Variants in SHLD1 observed in about 807,000 individuals in gnomAD.
SHLD1 encodes the protein shieldin complex subunit 1.
Under a neutral mutation model 5.5 loss-of-function variants are expected in SHLD1, and 3 were observed. The observed-to-expected ratio is 0.54, with a 90% CI of 0.25 to 1.40. The LOEUF is 1.40. Among genes scored for constraint, SHLD1 ranks in the 40% most tolerant of loss-of-function variants. The pLI, the probability that SHLD1 is intolerant of heterozygous loss-of-function variation, is 0.15. For missense variants in SHLD1, 210 were observed against 244.4 expected (o/e 0.86, Z 0.94); for synonymous variants, 92 against 94.3 (o/e 0.98, Z 0.14).
Position 5,772,895 on chromosome 20 carries a change from C to G in SHLD1, c.30C>G (p.Ser10Arg), listed in dbSNP as rs200018645. The part of the protein sequence containing the change: MAARDATSG[S>R]LSEESSALDL... ...CAGCCAGGGACGCCACTTCAGGCAG[C>G]CTGTCAGAGGAGAGCAGTGCTTTGG... Residue 10 changes from serine (S) to arginine (R), a missense_variant, in exon 2 of 3, where the codon AGC (serine) becomes AGG (arginine). Coordinates refer to ENST00000303142, the MANE Select transcript of SHLD1 (RefSeq NM_152504.4). 1.9e-6 allele frequency: 3 copies of G among 1,613,258 alleles called. No homozygotes were observed. In the South Asian group the frequency reaches 3.3e-5, roughly 18 times the overall value.
At chr20:5,761,302 G>C (rs1345359126) in intron 1 of SHLD1, among the ~76,000 whole-genome samples, 1 of 151,982 alleles carries the variant, frequency 6.6e-6, no homozygotes, top group Admixed American at 6.6e-5. Context: ...AATATCTAAT[G>C]CATGCAGGGC....
chr20:5,823,781 A>G (rs1444748733), intron 2 of SHLD1, among the ~76,000 whole-genome samples: 1 of 152,088 alleles, frequency 6.6e-6, no homozygotes, highest in Non-Finnish European at 1.5e-5. Flanking sequence ...AAGTTTACAC[A>G]GTTGTGTTGG....
chr20:5,800,422 G>A (rs766594907), intron 2 of SHLD1, among the ~76,000 whole-genome samples: 2 of 152,182 alleles, frequency 1.3e-5, no homozygotes, highest in African/African-American at 4.8e-5. Flanking sequence ...GGCCGGGCGT[G>A]GTGGCTCACG....
At chr20:5,774,203 CAAAACAA>C (rs1336916737) in intron 2 of SHLD1, among the ~76,000 whole-genome samples, 6 of 151,828 alleles carry the variant, frequency 4.0e-5, no homozygotes, top group East Asian at 1.9e-4. Flanking sequence ...AACTCTGTCT[CAAAACAA>C]AAAACAAAAA....
Position 5,806,164 on chromosome 20 carries a change from T to G in SHLD1, c.178+33121T>G, listed in dbSNP as rs1275562248. The stretch of plus-strand genomic sequence containing the variant: ...ATAGGTGTGAGCTACCACATCTGGC[T>G]GCTTTATAATTTTTTACTTGGCGTT... On this transcript the variant is annotated intron_variant, in intron 2 of 2. Transcript: ENST00000303142. The surrounding 1 kb of genome is among the most constrained non-coding windows in gnomAD (Gnocchi z 7.6). Among the ~76,000 whole-genome samples the G allele has an allele frequency of 6.6e-6, 1 of 152,200 alleles. No individual in the cohort carries two copies. The highest frequency in any genetic ancestry group is 1.5e-5 in the Non-Finnish European group (1 of 68,042).
At chr20:5,834,200 G>A (rs1377725990) in intron 2 of SHLD1, among the ~76,000 whole-genome samples, 1 of 152,134 alleles carries the variant, frequency 6.6e-6, no homozygotes, top group Non-Finnish European at 1.5e-5. Context: ...GACTTAGCAG[G>A]GAAAAGAGCT....
intron 1 of SHLD1, among the ~76,000 whole-genome samples, chr20:5,756,368 C>T (rs900588215): frequency 1.3e-5 from 2 of 152,056 alleles, no homozygotes; most frequent in African/African-American, 4.8e-5. Flanking sequence ...GGGACATTGC[C>T]ATCTTAAAAT....
chr20:5,813,945 CTTTT>C (rs143110037), intron 2 of SHLD1, among the ~76,000 whole-genome samples: 2 of 79,972 alleles, frequency 2.5e-5, no homozygotes, highest in East Asian at 4.4e-4. Flanking sequence ...CCTTTTCTTT[CTTTT>C]TTTTTTTTTT....
At chr20:5,842,094 A>G (rs1436321161) in intron 2 of SHLD1, among the ~76,000 whole-genome samples, 1 of 152,238 alleles carries the variant, frequency 6.6e-6, no homozygotes, top group Non-Finnish European at 1.5e-5. Context: ...AACAAAATAT[A>G]GAGTGGAGAT....
At chr20:5,814,331 T>A (rs2087500057) in intron 2 of SHLD1, among the ~76,000 whole-genome samples, 1 of 152,178 alleles carries the variant, frequency 6.6e-6, no homozygotes, top group African/African-American at 2.4e-5. Context: ...TTTGAAAGTG[T>A]TAAATATTTA....
At chr20:5,813,945 CTTTTTTTTTTTTTT>C (rs143110037) in intron 2 of SHLD1, among the ~76,000 whole-genome samples, 1 of 79,974 alleles carries the variant, frequency 1.3e-5, no homozygotes, top group African/African-American at 4.7e-5. Flanking sequence ...CCTTTTCTTT[CTTTTTTTTTTTTTT>C]TTTTTTTTTT....
At chr20:5,752,380 A>T (rs1253172148) in intron 1 of SHLD1, among the ~76,000 whole-genome samples, 1 of 147,074 alleles carries the variant, frequency 6.8e-6, no homozygotes, top group Non-Finnish European at 1.5e-5. Flanking sequence ...TGGATGACAG[A>T]GTGAGACTCC....
In SHLD1 at chr20:5,775,512, A is replaced by T. The variant is rs116436118; in HGVS notation, c.178+2469A>T. ...GAATTGGTTGACAGCTCTAAAAATA[A>T]GGAGCATGTTGAAATATTTATGTAG... On this transcript the variant is annotated intron_variant, in intron 2 of 2. Transcript: ENST00000303142. Among the ~76,000 whole-genome samples the T allele has an allele frequency of 5.4e-3, 830 of 152,342 alleles. 10 individuals carry two copies. The highest frequency in any genetic ancestry group is 0.019 in the African/African-American group (786 of 41,578).
intron 2 of SHLD1, among the ~76,000 whole-genome samples, chr20:5,815,781 T>G (rs2087522276): frequency 6.6e-6 from 1 of 152,136 alleles, no homozygotes; most frequent in Non-Finnish European, 1.5e-5. Context: ...GAATTTGTTT[T>G]TATATAAAAG....
chr20:5,774,787 G>A (rs1429880956), intron 2 of SHLD1, among the ~76,000 whole-genome samples: 5 of 152,176 alleles, frequency 3.3e-5, no homozygotes, highest in Admixed American at 6.5e-5. Flanking sequence ...CACTGGGGAT[G>A]ACAATTCCAC....
Position 5,809,169 on chromosome 20 carries a change from T to TAAA in SHLD1, c.178+36126_178+36127insAAA, listed in dbSNP as rs1371338211. On this transcript the variant is annotated intron_variant, in intron 2 of 2. Coordinates refer to ENST00000303142, the MANE Select transcript of SHLD1 (RefSeq NM_152504.4). Reference sequence around the variant, plus strand: ...TCATAAGTGATGAAAAGGACAGCTTTTAAAAATCACCAAAGAACTAAATGT... The same window carrying TAAA: ...TCATAAGTGATGAAAAGGACAGCTTTAAATAAAAATCACCAAAGAACTAAATGT... Among the ~76,000 whole-genome samples the TAAA allele has an allele frequency of 3.4e-4, 52 of 152,198 alleles. 3 individuals are homozygous for TAAA. The highest frequency in any genetic ancestry group is 1.2e-3 in the African/African-American group (51 of 41,448).
chr20:5,820,122 A>G (rs746805671), intron 2 of SHLD1, among the ~76,000 whole-genome samples: 1 of 152,058 alleles, frequency 6.6e-6, no homozygotes, highest in Non-Finnish European at 1.5e-5. Flanking sequence ...TGATTTTTCT[A>G]TTTTTAGTAG....
In SHLD1 at chr20:5,860,148, G is replaced by C. The variant is rs148063629; in HGVS notation, c.179-2876G>C. ...CCTACCCAGGACAAGGTCATCTGCG[G>C]GTAAGAAGGTAGGAAGGGACCCTTC... On this transcript the variant is annotated intron_variant, in intron 2 of 2. Transcript: ENST00000303142. 3.3e-3 allele frequency among the ~76,000 whole-genome samples: 498 copies of C among 151,964 alleles called. 3 individuals are homozygous for C. The highest frequency in any genetic ancestry group is 0.012 in the African/African-American group (485 of 41,386).
In SHLD1 at chr20:5,831,009, T is replaced by TA. The variant is rs200181101; in HGVS notation, c.179-32006dup. Among the ~76,000 whole-genome samples, 400 of 151,512 alleles carry TA rather than the reference T, an allele frequency of 2.6e-3. 1 individual carries two copies. The highest frequency in any genetic ancestry group is 9.2e-3 in the African/African-American group (378 of 41,306). On this transcript the variant is annotated intron_variant, in intron 2 of 2. Coordinates refer to ENST00000303142, the MANE Select transcript of SHLD1 (RefSeq NM_152504.4). ...ACGCACGTTATAATTTAATAAAAAGTAAAAAAAAATCAGTTTGAAAATAAG... is the reference window on the plus strand; with the variant it reads ...ACGCACGTTATAATTTAATAAAAAGTAAAAAAAAAATCAGTTTGAAAATAAG...
Sources: gnomAD v4.1 joint callset for allele counts (sites outside exome capture counted in the v4.1 genomes callset) on GRCh38, gnomAD v4.1.1 for gene constraint, Gnocchi (gnomAD v3.1) non-coding constraint, MANE v1.5 for transcripts, NCBI Gene and HGNC (gene_info 2026-07-23, HGNC 2026-07-21) for gene names.